Variants in MCM3 observed in about 807,000 individuals in gnomAD.
MCM3 encodes DNA replication licensing factor MCM3.
MCM3 carries 59 observed loss-of-function variants against 91.3 expected under a neutral mutation model. That is an observed-to-expected ratio of 0.65 (90% CI 0.52 to 0.80). MCM3 has a LOEUF of 0.80. Among genes scored for constraint, MCM3 ranks in the 30% least tolerant of loss-of-function variants. The pLI, the probability that MCM3 is intolerant of heterozygous loss-of-function variation, is 0.00. For missense variants in MCM3, 919 were observed against 1,035.4 expected (o/e 0.89, Z 1.54); for synonymous variants, 383 against 379.6 (o/e 1.01, Z -0.10).
intron 15 of MCM3, 91 bp downstream of exon 15, chr6:52,266,520 G>A: frequency 8.7e-7 from 1 of 1,144,762 alleles, no homozygotes; most frequent in Admixed American, 1.8e-5. Flanking sequence ...AAACAAACAG[G>A]AGTCCACAAG....
At chr6:52,267,093 C>CTTTTT (rs1562373623) in intron 14 of MCM3, among the ~76,000 whole-genome samples, 1 of 78,442 alleles carries the variant, frequency 1.3e-5, no homozygotes, top group Non-Finnish European at 3.0e-5. Flanking sequence ...CCCAGGGTAT[C>CTTTTT]TTCTTTTTTT....
At chr6:52,270,621 G>A (rs1765051808) in intron 12 of MCM3, among the ~76,000 whole-genome samples, 2 of 152,274 alleles carry the variant, frequency 1.3e-5, no homozygotes, top group South Asian at 4.1e-4. Flanking sequence ...GCCTGCACTA[G>A]CAGACCTAGA....
At position 52,271,834 on chromosome 6, in the gene MCM3, A is replaced by G. The variant is rs1466238979; in HGVS notation, c.1827+467T>C. ...TCATACCCCTTCAGGGAAGTCTAAA[A>G]GAAATTAACAGTTTATTCGTCTATG... is the stretch of plus-strand genomic sequence containing the variant. On this transcript the variant is annotated intron_variant, in intron 12 of 16. Transcript: ENST00000596288. Among the ~76,000 whole-genome samples, 4 of 152,242 alleles carry G rather than the reference A, an allele frequency of 2.6e-5. No homozygotes were observed. The East Asian group carries it at 7.7e-4, about 29-fold the overall frequency.
intron 16 of MCM3, 45 bp downstream of exon 16, chr6:52,266,030 G>A (rs755388594): frequency 9.7e-6 from 15 of 1,549,842 alleles, no homozygotes; most frequent in Non-Finnish European, 1.2e-5. Flanking sequence ...CTTCCTCAGC[G>A]ATACACAGAA....
intron 13 of MCM3, 50 bp from the exon 14 acceptor site, chr6:52,268,018 G>C (rs376893958): frequency 1.2e-4 from 186 of 1,612,630 alleles, no homozygotes; most frequent in Non-Finnish European, 1.5e-4. Context: ...TGATGCAGGG[G>C]AACTGCATCA....
chr6:52,280,599 T>C lies in MCM3; in HGVS notation c.532-1000A>G, dbSNP rs183253583. Among the ~76,000 whole-genome samples, 31 of 152,364 alleles carry C rather than the reference T, an allele frequency of 2.0e-4. No individual in the cohort carries two copies. In the East Asian group the frequency reaches 5.4e-3, roughly 27 times the overall value. On this transcript the variant is annotated intron_variant, in intron 4 of 16. Transcript: ENST00000596288. ...AAGCCCACGCTCTTAAGCATCACCA[T>C]AGACAACCTCCAGAAGATCTGGTCC...
At chr6:52,268,035 C>T (rs1764790549) in intron 13 of MCM3, 67 bp from the exon 14 acceptor site, 1 of 1,611,276 alleles carries the variant, frequency 6.2e-7, no homozygotes, top group African/African-American at 1.3e-5. Flanking sequence ...ATCAAGAACT[C>T]CCAGTCCCTT....
chr6:52,272,567 T>A lies in MCM3; in HGVS notation c.1677-116A>T. The A allele has an allele frequency of 3.1e-6, 3 of 978,484 alleles. No individual in the cohort carries two copies. In the Admixed American group the frequency reaches 7.4e-5, roughly 24 times the overall value. 60.6% of individuals were successfully genotyped at this position (978,484 alleles called of 1,614,324 possible). On this transcript the variant is annotated intron_variant, in intron 11 of 16. Coordinates refer to ENST00000596288, the MANE Select transcript of MCM3 (RefSeq NM_002388.6). ...AAACAAAGCCTAGAACCCATTATCA[T>A]AACTCCCATTTATATGGAACATAGA...
Position 52,267,918 on chromosome 6 carries a change from C to T in MCM3, c.2019G>A (p.Glu673=). 6.6e-7 allele frequency: 1 copy of T among 1,525,066 alleles called. No homozygotes were observed. 94.5% of individuals were successfully genotyped at this position (1,525,066 alleles called of 1,614,324 possible). A position where few individuals can be genotyped will look rare whatever the true frequency, so the allele number is the denominator to read the frequency against. Residue 673 remains glutamate, a synonymous_variant, in exon 14 of 17, where the codon GAG becomes GAA. Transcript: ENST00000596288. ...GGCTTTTCTCCTCTTCATCTTCTGT[C>T]TCTGATTCATCCTCACTTCGCTTCT... ...KRKKRSEDES[E]TEDEEEKSQE...
At chr6:52,280,430 T>C (rs139675503) in intron 4 of MCM3, among the ~76,000 whole-genome samples, 2 of 152,370 alleles carry the variant, frequency 1.3e-5, no homozygotes, top group East Asian at 3.9e-4. Flanking sequence ...AATTATCTCA[T>C]GTAATTATCA....
chr6:52,282,894 T>A (rs2307322), intron 2 of MCM3, 33 bp from the exon 3 acceptor site: 764,126 of 1,547,692 alleles, frequency 0.49, 189,591 homozygotes, highest in South Asian at 0.55. Context: ...AAAATTAGAC[T>A]GGGCAGAACT....
chr6:52,276,570 T>G, intron 8 of MCM3, 94 bp from the exon 9 acceptor site: 4 of 1,103,936 alleles, frequency 3.6e-6, no homozygotes, highest in Non-Finnish European at 5.2e-6. Flanking sequence ...ATCTCTCACT[T>G]TGCACGTGAG....
intron 2 of MCM3, 67 bp from the exon 3 acceptor site, chr6:52,282,928 GCAGA>G (rs1766255862): frequency 2.7e-6 from 3 of 1,111,762 alleles, no homozygotes; most frequent in East Asian, 2.4e-5. Flanking sequence ...CCTCAAAACA[GCAGA>G]CATTCTTAGA....
rs17246647 is a variant in MCM3 at position 52,264,337 on chromosome 6, C to CTT, written c.*249_*250dup. On this transcript the variant is annotated 3_prime_UTR_variant, in exon 17 of 17. Transcript: ENST00000596288. The stretch of plus-strand genomic sequence containing the variant: ...GGGAAGTAGGGCGGATGAGCCAGTG[C>CTT]TTTTGCAATGAAGATGCAATAGTCA... 3.2e-5 allele frequency: 15 copies of CTT among 471,634 alleles called. No individual in the cohort carries two copies. In the East Asian group the frequency reaches 5.2e-4, roughly 16 times the overall value. 29.2% of individuals were successfully genotyped at this position (471,634 alleles called of 1,614,324 possible).
At position 52,272,410 on chromosome 6, in the gene MCM3, T is replaced by C. The variant is rs932677516; in HGVS notation, c.1718A>G (p.His573Arg). 29 of 1,614,064 alleles carry C rather than the reference T, an allele frequency of 1.8e-5. 1 individual carries two copies. Among genetic ancestry groups the C allele is most frequent in the Non-Finnish European group, 2.2e-5 (26 of 1,180,026 alleles). Residue 573 changes from histidine to arginine, a missense_variant, in exon 12 of 17, where the codon CAT becomes CGT. Transcript: ENST00000596288. ...VSAAFMKKYI[H>R]VAKIIKPVLT... is the part of the protein sequence containing the mutation. ...GACAGGCTTGATGATTTTGGCCACA[T>C]GGATGTACTTCTTCATGAATGCTGC...
At chr6:52,275,768 GA>G (rs1432882717) in intron 9 of MCM3, among the ~76,000 whole-genome samples, 6 of 152,150 alleles carry the variant, frequency 3.9e-5, no homozygotes, top group Non-Finnish European at 8.8e-5. Context: ...CCCACGCACA[GA>G]CAAATATAAA....
At position 52,272,157 on chromosome 6, in the gene MCM3, T is replaced by C. The variant is rs1225527232; in HGVS notation, c.1827+144A>G. 2.1e-5 allele frequency: 15 copies of C among 719,288 alleles called. No individual in the cohort carries two copies. The East Asian group carries it at 3.1e-4, about 15-fold the overall frequency. 44.6% of individuals were successfully genotyped at this position (719,288 alleles called of 1,614,324 possible). ...TTTCATTTTCCTTTATAAAAGGAAA[T>C]GATTAAAATTGTATAACAGGAAGCC... On this transcript the variant is annotated intron_variant, in intron 12 of 16. Coordinates refer to ENST00000596288, the MANE Select transcript of MCM3 (RefSeq NM_002388.6).
rs1035532918 is a variant in MCM3 at position 52,279,534 on chromosome 6, G to C, written c.597C>G (p.Ile199Met). Residue 199 changes from isoleucine to methionine, a missense_variant, in exon 5 of 17, where the codon ATC (isoleucine) becomes ATG (methionine). By Grantham distance (10) the Ile-to-Met change is conservative (BLOSUM62 1). Around this residue, in one of 3 missense-constraint regions of MCM3, gnomAD observed 401 missense variants for 402.7 expected, o/e 1.00. Transcript: ENST00000596288. ...CCTTCTCCGGCATCTCCTGGATGGT[G>C]ATGGTCTGGTGATCCTTGTAGACAG... is the stretch of plus-strand genomic sequence containing the variant. Reference protein sequence around the residue: ...GLSVYKDHQTITIQEMPEKAP... With the variant: ...GLSVYKDHQTMTIQEMPEKAP... 1 of 1,614,144 alleles carries C rather than the reference G, an allele frequency of 6.2e-7. No individual in the cohort carries two copies. The highest frequency in any genetic ancestry group is 8.5e-7 in the Non-Finnish European group (1 of 1,180,036).
In MCM3 at chr6:52,267,986, G is replaced by A. The variant is rs768868811; in HGVS notation, c.1969-18C>T. On this transcript the variant is annotated intron_variant, in intron 13 of 16. Coordinates refer to ENST00000596288, the MANE Select transcript of MCM3 (RefSeq NM_002388.6). ...TCCAGAACCTAAGACCAAGGCAAGT[G>A]TGGCTGGGCTAGAGGGGTCACTGAT... is the stretch of plus-strand genomic sequence containing the variant. 6.2e-7 allele frequency: 1 copy of A among 1,613,898 alleles called. No homozygotes were observed. The highest frequency in any genetic ancestry group is 1.3e-5 in the African/African-American group (1 of 74,902).
Sources: allele counts gnomAD v4.1 joint callset (sites outside exome capture counted in the v4.1 genomes callset), GRCh38; gene constraint gnomAD v4.1.1; regional missense constraint gnomAD v4.1.1; transcripts MANE v1.5; gene names NCBI Gene and HGNC (gene_info 2026-07-23, HGNC 2026-07-21).